The following PCDHA4 variants were observed in gnomAD, a reference collection of about 807,000 sequenced individuals.
PCDHA4 encodes protocadherin alpha 4.
In PCDHA4, 49 loss-of-function variants were observed where a neutral mutation model predicts 61.4. The ratio of observed to expected loss-of-function variants is 0.80; its 90% confidence interval spans 0.63 to 1.01. The LOEUF (loss-of-function observed/expected upper bound fraction) is 1.01. Ranked by LOEUF, PCDHA4 falls within the 50% of genes least tolerant of loss-of-function variation. The pLI is 0.00. For missense variants in PCDHA4, 1,254 were observed against 1,235.8 expected, an observed-to-expected ratio of 1.01 and a Z score of -0.22; for synonymous variants, 590 against 550.3, an observed-to-expected ratio of 1.07 and a Z score of -1.01.
In PCDHA4 at chr5:140,808,152, G is replaced by A; in HGVS notation, c.965G>A (p.Gly322Asp). 1 of 1,614,136 alleles carries A rather than the reference G, an allele frequency of 6.2e-7. No homozygotes were observed. Among genetic ancestry groups the A allele is most frequent in the Non-Finnish European group, 8.5e-7 (1 of 1,179,966 alleles). The stretch of plus-strand genomic sequence containing the variant: ...AAATCCTATGAAATTATTGTAGAGG[G>A]CATTGATAAGGGACAGCTCCCACTT... ...ESKSYEIIVE[G>D]IDKGQLPLSG... is the part of the protein sequence containing the mutation. Residue 322 changes from glycine (G) to aspartate (D), a missense_variant, in exon 1 of 4, where the codon GGC becomes GAC. Coordinates refer to ENST00000530339, the MANE Select transcript of PCDHA4 (RefSeq NM_018907.4).
chr5:140,862,622 G>T (rs2047457580), intron 1 of PCDHA4: 8 of 530,260 alleles, frequency 1.5e-5, no homozygotes, highest in South Asian at 1.1e-4. Context: ...AACAACCCGC[G>T]GGGCTGCCAC....
chr5:140,955,492 A>G, intron 1 of PCDHA4, among the ~76,000 whole-genome samples: 1 of 152,138 alleles, frequency 6.6e-6, no homozygotes, highest in East Asian at 1.9e-4. Context: ...TCCTGCCACC[A>G]TGTGAAGAAA....
chr5:140,877,317 G>C (rs535177109), intron 1 of PCDHA4: 5 of 1,614,004 alleles, frequency 3.1e-6, no homozygotes, highest in Admixed American at 1.7e-5. Context: ...AACCGGCGGC[G>C]GTCGGCGCGC....
chr5:140,986,413 C>G (rs2097199513), intron 3 of PCDHA4, among the ~76,000 whole-genome samples: 1 of 152,156 alleles, frequency 6.6e-6, no homozygotes, highest in African/African-American at 2.4e-5. Context: ...TGTTACAGCT[C>G]TTTTTAACTT....
chr5:140,991,844 C>T (rs892318388), intron 3 of PCDHA4, among the ~76,000 whole-genome samples: 2 of 152,334 alleles, frequency 1.3e-5, no homozygotes, highest in Middle Eastern at 6.8e-3. Flanking sequence ...AACCGCACTT[C>T]CAGATACCAA....
At chr5:140,841,683 T>C in intron 1 of PCDHA4, 1 of 1,613,816 alleles carries the variant, frequency 6.2e-7, no homozygotes, top group South Asian at 1.1e-5. Flanking sequence ...CATGTGGACG[T>C]GGAGGTGAAG....
intron 1 of PCDHA4, among the ~76,000 whole-genome samples, chr5:140,938,831 A>G (rs782069247): frequency 2.0e-5 from 3 of 152,118 alleles, no homozygotes; most frequent in Non-Finnish European, 4.4e-5. Flanking sequence ...AGTTTGCGTT[A>G]TAACAAACCT....
chr5:141,006,368 C>T (rs1395158727), intron 3 of PCDHA4, among the ~76,000 whole-genome samples: 2 of 152,072 alleles, frequency 1.3e-5, no homozygotes, highest in Non-Finnish European at 2.9e-5. Context: ...CCCACCACCA[C>T]GCCCGGCTAA....
At chr5:140,908,911 T>C (rs535661545) in intron 1 of PCDHA4, among the ~76,000 whole-genome samples, 1 of 152,300 alleles carries the variant, frequency 6.6e-6, no homozygotes, top group South Asian at 2.1e-4. Flanking sequence ...TTCGTGGTTG[T>C]AGGAGGGGCC....
At chr5:140,832,784 G>A (rs1414101798) in intron 1 of PCDHA4, among the ~76,000 whole-genome samples, 1 of 152,146 alleles carries the variant, frequency 6.6e-6, no homozygotes, top group African/African-American at 2.4e-5. Context: ...TGCTAGAAAG[G>A]TACATCATAG....
chr5:140,857,728 C>G, intron 1 of PCDHA4: 1 of 1,597,418 alleles, frequency 6.3e-7, no homozygotes, highest in Non-Finnish European at 8.6e-7. Context: ...AGAACGACAA[C>G]GCTCCCGCGC....
intron 1 of PCDHA4, among the ~76,000 whole-genome samples, chr5:140,911,001 C>T (rs543025308): frequency 1.3e-5 from 2 of 152,220 alleles, no homozygotes; most frequent in African/African-American, 4.8e-5. Context: ...CCCCTAGGGC[C>T]CTCCTGGGAC....
At chr5:140,951,723 A>C (rs1364455679) in intron 1 of PCDHA4, among the ~76,000 whole-genome samples, 1 of 152,104 alleles carries the variant, frequency 6.6e-6, no homozygotes, top group African/African-American at 2.4e-5. Context: ...GATCCAAACC[A>C]TGTCATTCTG....
chr5:140,835,624 AC>A (rs2150239679), intron 1 of PCDHA4: 1 of 1,613,722 alleles, frequency 6.2e-7, no homozygotes, highest in Admixed American at 1.7e-5. Flanking sequence ...AGCGCTCTGG[AC>A]CGCGAGAGTG....
intron 3 of PCDHA4, among the ~76,000 whole-genome samples, chr5:140,993,609 T>C (rs1554253871): frequency 6.6e-6 from 1 of 152,078 alleles, no homozygotes; most frequent in African/African-American, 2.4e-5. Flanking sequence ...GAGAATTTTG[T>C]TGGGACCCTC....
chr5:140,989,889 C>T (rs1220430844), intron 3 of PCDHA4, among the ~76,000 whole-genome samples: 3 of 151,522 alleles, frequency 2.0e-5, no homozygotes, highest in Admixed American at 6.6e-5. Flanking sequence ...TTGGAGTCTC[C>T]GTTATTCACA....
chr5:140,936,547 A>G (rs1554211059), intron 1 of PCDHA4, among the ~76,000 whole-genome samples: 1 of 152,240 alleles, frequency 6.6e-6, no homozygotes, highest in East Asian at 1.9e-4. Context: ...AGTGCAATGT[A>G]GAAGTCAAGA....
chr5:140,853,923 T>C lies in PCDHA4; in HGVS notation c.2385+44351T>C, dbSNP rs150827815. 226 of 917,558 alleles carry C rather than the reference T, an allele frequency of 2.5e-4. 13 individuals carry two copies. The highest frequency in any genetic ancestry group is 2.8e-4 in the Non-Finnish European group (208 of 754,762). The allele number at this position is 917,558 out of a possible 1,614,324, so 56.8% of individuals were successfully genotyped here. A position where few individuals can be genotyped will look rare whatever the true frequency, so the allele number is the denominator to read the frequency against. On this transcript the variant is annotated intron_variant, in intron 1 of 3. Coordinates refer to ENST00000530339, the MANE Select transcript of PCDHA4 (RefSeq NM_018907.4). Reference sequence around the variant, plus strand: ...TGGCCTGACACCTGCAATCCCAACATTTTGGGAGGCCAAGGTGGGAGGGTC... The same window carrying C: ...TGGCCTGACACCTGCAATCCCAACACTTTGGGAGGCCAAGGTGGGAGGGTC...
chr5:140,968,118 C>T (rs141928119), intron 1 of PCDHA4: 717 of 1,614,170 alleles, frequency 4.4e-4, no homozygotes, highest in Middle Eastern at 2.3e-3. Context: ...CAGCTCACAT[C>T]CCTGCGTACA....
Sources: gnomAD v4.1 joint callset for allele counts (sites outside exome capture counted in the v4.1 genomes callset) on GRCh38, gnomAD v4.1.1 for gene constraint, MANE v1.5 for transcripts, NCBI Gene and HGNC (gene_info 2026-07-23, HGNC 2026-07-21) for gene names.